Variants in SMOC2 observed in about 807,000 individuals in gnomAD.
The protein encoded by SMOC2 is SPARC-related modular calcium-binding protein 2.
SMOC2 carries 39 observed loss-of-function variants against 61.4 expected under a neutral mutation model. The ratio of observed to expected loss-of-function variants is 0.64; its 90% CI spans 0.49 to 0.83. The LOEUF (loss-of-function observed/expected upper bound fraction) is 0.83. Among genes scored for constraint, SMOC2 ranks in the 40% least tolerant of loss-of-function variants. The probability of loss-of-function intolerance (pLI) is 0.00; values close to 1 mark genes in which losing one functional copy is unlikely to be tolerated. For synonymous variants in SMOC2, 247 were observed against 239.9 expected, an observed-to-expected ratio of 1.03 and a Z score of -0.27; for missense variants, 556 against 592.9, an observed-to-expected ratio of 0.94 and a Z score of 0.65.
At chr6:168,599,073 A>T in intron 8 of SMOC2, 69 bp downstream of exon 8, 1 of 1,405,386 alleles carries the variant, frequency 7.1e-7, no homozygotes. Context: ...AGGAAAGCAG[A>T]ACCCCCACTT....
At chr6:168,574,968 A>T (rs1285227974) in intron 7 of SMOC2, among the ~76,000 whole-genome samples, 4 of 152,182 alleles carry the variant, frequency 2.6e-5, no homozygotes, top group Non-Finnish European at 4.4e-5. Context: ...TGCAAAAGCT[A>T]AACATTTAGA....
At chr6:168,656,274 G>C (rs1261513316) in intron 11 of SMOC2, among the ~76,000 whole-genome samples, 3 of 152,104 alleles carry the variant, frequency 2.0e-5, no homozygotes, top group Non-Finnish European at 2.9e-5. Flanking sequence ...ACTTTGGGAG[G>C]CTGAAGCGGG....
intron 1 of SMOC2, among the ~76,000 whole-genome samples, chr6:168,508,986 A>G (rs1237693072): frequency 6.6e-6 from 1 of 152,198 alleles, no homozygotes; most frequent in African/African-American, 2.4e-5. Flanking sequence ...ACGCTTCCTC[A>G]GGGTCACCTT....
rs9456196 is a variant in SMOC2, at chr6:168,567,950, A to G, written c.637+18747A>G. Among the ~76,000 whole-genome samples, 358 of 138,186 alleles carry G rather than the reference A, an allele frequency of 2.6e-3. 2 individuals are homozygous for G. Among genetic ancestry groups the G allele is most frequent in the African/African-American group, 9.8e-3 (330 of 33,606 alleles). The allele number at this position is 138,186 out of a possible 152,430, so 90.7% of individuals were successfully genotyped here. The stretch of plus-strand genomic sequence containing the variant: ...GGTGTCTCATATTAGAATTTAGTGC[A>G]TCTTCTCTTCAGATGAGCAGACACA... On this transcript the variant is annotated intron_variant, in intron 7 of 12. Transcript: ENST00000356284.
chr6:168,444,296 T>C (rs774255554), intron 1 of SMOC2, among the ~76,000 whole-genome samples: 3 of 152,162 alleles, frequency 2.0e-5, no homozygotes, highest in Non-Finnish European at 4.4e-5. Context: ...TCTCTGGGGC[T>C]TTCAGTTTGC....
chr6:168,618,732 G>A (rs554654069), intron 9 of SMOC2, among the ~76,000 whole-genome samples: 41 of 152,234 alleles, frequency 2.7e-4, no homozygotes, highest in African/African-American at 8.9e-4. Context: ...ACAGGAAGAC[G>A]GTGCGCTCAG....
intron 4 of SMOC2, among the ~76,000 whole-genome samples, chr6:168,528,159 A>G (rs1252876533): frequency 2.6e-5 from 4 of 152,216 alleles, no homozygotes; most frequent in African/African-American, 2.4e-5. Context: ...TCATAAGTCA[A>G]TTTCAAAATG....
intron 1 of SMOC2, among the ~76,000 whole-genome samples, chr6:168,500,409 G>C (rs1432296361): frequency 6.6e-6 from 1 of 152,126 alleles, no homozygotes; most frequent in African/African-American, 2.4e-5. Context: ...GAGGTGTTTT[G>C]TACTTGGTGT....
chr6:168,592,341 GAGCTCCTCCTCCTTCC>G lies in SMOC2; in HGVS notation c.638-6476_638-6461del, dbSNP rs1562367213. 6.4e-4 allele frequency among the ~76,000 whole-genome samples: 79 copies of G among 124,048 alleles called. 1 individual carries two copies. The highest frequency in any genetic ancestry group is 1.1e-3 in the Admixed American group (13 of 11,560). 81.4% of individuals were successfully genotyped at this position (124,048 alleles called of 152,430 possible). A position where few individuals can be genotyped will look rare whatever the true frequency, so the allele number is the denominator to read the frequency against. On this transcript the variant is annotated intron_variant, in intron 7 of 12. Transcript: ENST00000356284. Reference sequence around the variant, plus strand: ...ACGGGCGTCTTTCTAGAGGATCTCCGAGCTCCTCCTCCTTCCTGAGGCCTCACGGGCATCTTTCTAG... The same window carrying G: ...ACGGGCGTCTTTCTAGAGGATCTCCGTGAGGCCTCACGGGCATCTTTCTAG...
intron 4 of SMOC2, among the ~76,000 whole-genome samples, chr6:168,529,823 C>G (rs1360167302): frequency 6.6e-6 from 1 of 152,180 alleles, no homozygotes. Flanking sequence ...AGCAGAGAAG[C>G]GGGCATCACC....
chr6:168,463,662 A>G (rs978173633), intron 1 of SMOC2, among the ~76,000 whole-genome samples: 15 of 152,128 alleles, frequency 9.9e-5, no homozygotes, highest in African/African-American at 3.6e-4. Flanking sequence ...TACAGAGAAC[A>G]TTGTCCTGAG....
At chr6:168,458,996 A>G (rs1781656279) in intron 1 of SMOC2, among the ~76,000 whole-genome samples, 1 of 152,218 alleles carries the variant, frequency 6.6e-6, no homozygotes, top group South Asian at 2.1e-4. Context: ...ACGTGGTCAT[A>G]ATTATGAATA....
chr6:168,464,780 C>T (rs189149622), intron 1 of SMOC2, among the ~76,000 whole-genome samples: 176 of 152,188 alleles, frequency 1.2e-3, no homozygotes, highest in African/African-American at 3.8e-3. Flanking sequence ...TTCATTCTGC[C>T]GTCATAGAAC....
intron 1 of SMOC2, among the ~76,000 whole-genome samples, chr6:168,497,151 G>A (rs1348359364): frequency 1.3e-5 from 2 of 152,232 alleles, no homozygotes; most frequent in African/African-American, 4.8e-5. Flanking sequence ...AAGGGCCCTG[G>A]TTGGAACGGA....
chr6:168,458,454 C>T (rs954439258), intron 1 of SMOC2, among the ~76,000 whole-genome samples: 1 of 152,212 alleles, frequency 6.6e-6, no homozygotes, highest in Non-Finnish European at 1.5e-5. Flanking sequence ...GATTCCCACT[C>T]GCCATGGGTT....
At chr6:168,645,521 C>G (rs1303082264) in intron 9 of SMOC2, among the ~76,000 whole-genome samples, 1 of 152,220 alleles carries the variant, frequency 6.6e-6, no homozygotes, top group Non-Finnish European at 1.5e-5. Context: ...GGGCACCACA[C>G]AGGCTTTGAG....
chr6:168,599,358 C>T (rs553531814), intron 8 of SMOC2, among the ~76,000 whole-genome samples: 6 of 144,706 alleles, frequency 4.1e-5, no homozygotes, highest in Non-Finnish European at 6.1e-5. Context: ...ACCACTCACA[C>T]GCACACAATC....
rs1205910407 is a variant in SMOC2 at position 168,592,343 on chromosome 6, G to T, written c.638-6475G>T. Among the ~76,000 whole-genome samples, 2 of 132,484 alleles carry T rather than the reference G, an allele frequency of 1.5e-5. 1 individual carries two copies. The allele number at this position is 132,484 out of a possible 152,430, so 86.9% of individuals were successfully genotyped here. On this transcript the variant is annotated intron_variant, in intron 7 of 12. Coordinates refer to ENST00000356284, the MANE Select transcript of SMOC2 (RefSeq NM_001166412.2). ...GGGCGTCTTTCTAGAGGATCTCCGAGCTCCTCCTCCTTCCTGAGGCCTCAC... is the reference window on the plus strand; with the variant it reads ...GGGCGTCTTTCTAGAGGATCTCCGATCTCCTCCTCCTTCCTGAGGCCTCAC...
chr6:168,587,398 G>A lies in SMOC2; in HGVS notation c.638-11420G>A, dbSNP rs527964186. Among the ~76,000 whole-genome samples the A allele has an allele frequency of 5.9e-4, 90 of 152,284 alleles. 1 individual carries two copies. The highest frequency in any genetic ancestry group is 2.0e-3 in the African/African-American group (84 of 41,554). ...CATGGCCTCGGGAGGTCCTAACGACGCGTGCCCAAGGTGGTCGGGGCACAG... is the reference window on the plus strand; with the variant it reads ...CATGGCCTCGGGAGGTCCTAACGACACGTGCCCAAGGTGGTCGGGGCACAG... On this transcript the variant is annotated intron_variant, in intron 7 of 12. Coordinates refer to ENST00000356284, the MANE Select transcript of SMOC2 (RefSeq NM_001166412.2).
Sources: allele counts gnomAD v4.1 joint callset (sites outside exome capture counted in the v4.1 genomes callset), GRCh38; gene constraint gnomAD v4.1.1; transcripts MANE v1.5; gene names NCBI Gene and HGNC (gene_info 2026-07-23, HGNC 2026-07-21).